Variants in KCNIP4 observed in about 807,000 individuals in gnomAD.
KCNIP4 encodes Kv channel-interacting protein 4.
In KCNIP4, 12 loss-of-function variants were observed where a neutral mutation model predicts 34.0. That is an observed-to-expected ratio of 0.35 (90% CI 0.23 to 0.57). The LOEUF (loss-of-function observed/expected upper bound fraction) is 0.57, where lower values mean the gene tolerates loss of function less well. Ranked by LOEUF, KCNIP4 falls within the 20% of genes least tolerant of loss-of-function variation. The probability of loss-of-function intolerance (pLI) is 0.83; values close to 1 mark genes in which losing one functional copy is unlikely to be tolerated. For missense variants in KCNIP4, 238 were observed against 311.7 expected, an observed-to-expected ratio of 0.76 and a Z score of 1.78; for synonymous variants, 124 against 102.2, an observed-to-expected ratio of 1.21 and a Z score of -1.29.
intron 1 of KCNIP4, among the ~76,000 whole-genome samples, chr4:21,150,266 G>C (rs987457506): frequency 1.3e-5 from 2 of 151,988 alleles, no homozygotes; most frequent in African/African-American, 2.4e-5. Flanking sequence ...CTGATTTAAG[G>C]ATAATGGGAG....
At chr4:21,195,085 G>A (rs1755961331) in intron 1 of KCNIP4, among the ~76,000 whole-genome samples, 1 of 151,998 alleles carries the variant, frequency 6.6e-6, no homozygotes, top group African/African-American at 2.4e-5. Context: ...ATATTCTCCT[G>A]GGAATCACAT....
At chr4:21,439,581 A>G (rs1484035715) in intron 1 of KCNIP4, among the ~76,000 whole-genome samples, 1 of 152,192 alleles carries the variant, frequency 6.6e-6, no homozygotes, top group East Asian at 1.9e-4. Flanking sequence ...TTCCTGGCCA[A>G]TGGGAGGTAA....
intron 1 of KCNIP4, among the ~76,000 whole-genome samples, chr4:21,884,079 T>C (rs1726617976): frequency 6.6e-6 from 1 of 152,130 alleles, no homozygotes. Context: ...CTTCATCCTA[T>C]TTACTGTTAA....
chr4:20,743,480 T>C (rs554850739), intron 5 of KCNIP4, among the ~76,000 whole-genome samples: 95 of 152,092 alleles, frequency 6.2e-4, no homozygotes, highest in Non-Finnish European at 1.2e-3. Flanking sequence ...TCTACAACCA[T>C]CTGATCTTTG....
At chr4:21,475,494 G>T (rs536373502) in intron 1 of KCNIP4, among the ~76,000 whole-genome samples, 23 of 152,272 alleles carry the variant, frequency 1.5e-4, no homozygotes, top group African/African-American at 5.1e-4. Context: ...ATAAAAGCAA[G>T]TTACGGGTCA....
intron 1 of KCNIP4, among the ~76,000 whole-genome samples, chr4:21,600,590 A>G (rs1009866225): frequency 6.6e-6 from 1 of 152,048 alleles, no homozygotes; most frequent in African/African-American, 2.4e-5. Context: ...CATTTCTCCT[A>G]TCTAACTGTG....
At chr4:21,567,808 G>A (rs1375505906) in intron 1 of KCNIP4, among the ~76,000 whole-genome samples, 1 of 152,092 alleles carries the variant, frequency 6.6e-6, no homozygotes, top group Non-Finnish European at 1.5e-5. Flanking sequence ...AGTATCCTGA[G>A]GAATCAGTTC....
chr4:21,342,880 AG>A (rs1716901106), intron 1 of KCNIP4, among the ~76,000 whole-genome samples: 1 of 151,966 alleles, frequency 6.6e-6, no homozygotes, highest in Non-Finnish European at 1.5e-5. Context: ...CCATTTTCTT[AG>A]CTAAGGGGCA....
chr4:21,655,064 A>G (rs1747814808), intron 1 of KCNIP4, among the ~76,000 whole-genome samples: 1 of 152,196 alleles, frequency 6.6e-6, no homozygotes, highest in African/African-American at 2.4e-5. Flanking sequence ...CTCACCCAGA[A>G]TATCTGTGCA....
At chr4:21,750,905 C>T (rs1022445169) in intron 1 of KCNIP4, among the ~76,000 whole-genome samples, 12 of 152,144 alleles carry the variant, frequency 7.9e-5, no homozygotes, top group African/African-American at 2.9e-4. Context: ...AAAAGCCCTA[C>T]AGTTAAGTGG....
intron 1 of KCNIP4, among the ~76,000 whole-genome samples, chr4:21,185,385 T>C (rs1231236105): frequency 6.6e-6 from 1 of 151,942 alleles, no homozygotes; most frequent in African/African-American, 2.4e-5. Flanking sequence ...TTTCTGCTCA[T>C]TCTCCTCCTC....
At chr4:20,789,519 C>T (rs1712451007) in intron 3 of KCNIP4, among the ~76,000 whole-genome samples, 1 of 152,152 alleles carries the variant, frequency 6.6e-6, no homozygotes, top group East Asian at 1.9e-4. Context: ...AATGTCTCTC[C>T]TTCCTGAATC....
chr4:20,939,121 T>C (rs1731375169), intron 1 of KCNIP4, among the ~76,000 whole-genome samples: 1 of 152,170 alleles, frequency 6.6e-6, no homozygotes, highest in Non-Finnish European at 1.5e-5. Flanking sequence ...TAAGCTTTCC[T>C]GATGTTGCTC....
chr4:20,845,725 T>C (rs941967693), intron 3 of KCNIP4, among the ~76,000 whole-genome samples: 3 of 152,162 alleles, frequency 2.0e-5, no homozygotes, highest in African/African-American at 7.2e-5. Context: ...CAAGGGAGCT[T>C]GCAAGAGGAC....
intron 1 of KCNIP4, among the ~76,000 whole-genome samples, chr4:21,149,350 T>G (rs536754835): frequency 9.2e-5 from 14 of 152,276 alleles, no homozygotes; most frequent in African/African-American, 3.1e-4. Context: ...AAAAACCACA[T>G]AACTGGAGCT....
intron 1 of KCNIP4, among the ~76,000 whole-genome samples, chr4:21,806,982 T>C (rs966021038): frequency 6.6e-6 from 1 of 152,108 alleles, no homozygotes; most frequent in Non-Finnish European, 1.5e-5. Context: ...CACCATAATG[T>C]AGAATCAGTG....
intron 1 of KCNIP4, among the ~76,000 whole-genome samples, chr4:21,487,286 G>A (rs1465487938): frequency 6.6e-6 from 1 of 152,000 alleles, no homozygotes; most frequent in Non-Finnish European, 1.5e-5. Context: ...CAGGCATCTT[G>A]TATAATGTCC....
At chr4:21,802,835 A>C (rs1305786709) in intron 1 of KCNIP4, among the ~76,000 whole-genome samples, 1 of 152,174 alleles carries the variant, frequency 6.6e-6, no homozygotes, top group Non-Finnish European at 1.5e-5. Flanking sequence ...CTCTCTCAAA[A>C]ATTGCACCCC....
At chr4:21,688,095 T>C (rs1013758477) in intron 1 of KCNIP4, among the ~76,000 whole-genome samples, 1 of 152,190 alleles carries the variant, frequency 6.6e-6, no homozygotes, top group African/African-American at 2.4e-5. Flanking sequence ...ATTTATGATA[T>C]CCTCTCACAA....
Sources: allele counts gnomAD v4.1 joint callset (sites outside exome capture counted in the v4.1 genomes callset), GRCh38; gene constraint gnomAD v4.1.1; transcripts MANE v1.5; gene names NCBI Gene and HGNC (gene_info 2026-07-23, HGNC 2026-07-21).